Variants in SI observed in about 807,000 individuals in gnomAD.
SI encodes sucrase-isomaltase, also known as sucrase-isomaltase, intestinal.
In SI, 235 loss-of-function variants were observed where a neutral mutation model predicts 253.3. That is an observed-to-expected ratio of 0.93 (90% confidence interval 0.83 to 1.03). The LOEUF is 1.03. Among genes scored for constraint, SI ranks in the 50% least tolerant of loss-of-function variants. SI has a pLI of 0.00. For missense variants in SI, 2,442 were observed against 2,211.1 expected (o/e 1.10, Z -2.09); for synonymous variants, 819 against 712.0 (o/e 1.15, Z -2.39).
intron 15 of SI, among the ~76,000 whole-genome samples, chr3:165,048,789 G>T (rs1560007460): frequency 1.3e-5 from 2 of 151,578 alleles, no homozygotes; most frequent in East Asian, 3.9e-4. Flanking sequence ...AGCTAGATTT[G>T]TACTTTTAAT....
chr3:165,061,675 T>C (rs1713991898), intron 9 of SI, among the ~76,000 whole-genome samples: 1 of 152,022 alleles, frequency 6.6e-6, no homozygotes, highest in East Asian at 1.9e-4. Flanking sequence ...TCTTTTCCAT[T>C]GTAACACCAG....
intron 6 of SI, among the ~76,000 whole-genome samples, chr3:165,066,924 T>C (rs1560016383): frequency 1.3e-5 from 2 of 151,948 alleles, no homozygotes; most frequent in African/African-American, 4.8e-5. Flanking sequence ...GTTCATTCTA[T>C]ATTGGATTCT....
intron 25 of SI, among the ~76,000 whole-genome samples, chr3:165,026,252 G>A (rs1711914594): frequency 6.6e-6 from 1 of 151,282 alleles, no homozygotes; most frequent in South Asian, 2.1e-4. Context: ...ATTATAAAAT[G>A]ATAAAAGGCC....
chr3:165,001,701 C>A (rs34023921), intron 37 of SI, among the ~76,000 whole-genome samples: 1 of 151,222 alleles, frequency 6.6e-6, no homozygotes, highest in African/African-American at 2.4e-5. Flanking sequence ...GGTCTTGAGA[C>A]GAACAGCTGA....
At chr3:165,076,100 T>C (rs1714956618) in intron 1 of SI, 88 bp from the exon 2 acceptor site, 6 of 1,009,340 alleles carry the variant, frequency 5.9e-6, no homozygotes, top group Non-Finnish European at 8.5e-6. Flanking sequence ...ACATATTCTT[T>C]TTTTTACTAT....
At chr3:165,018,117 A>C in intron 28 of SI, 51 bp from the exon 29 acceptor site, 1 of 1,011,194 alleles carries the variant, frequency 9.9e-7, no homozygotes, top group Non-Finnish European at 1.6e-6. Flanking sequence ...ATAGCATGTG[A>C]ATTTAATCAA....
chr3:165,056,943 A>C (rs1048009953), intron 12 of SI, among the ~76,000 whole-genome samples: 8 of 152,040 alleles, frequency 5.3e-5, no homozygotes, highest in Non-Finnish European at 1.2e-4. Flanking sequence ...ACAAACATCC[A>C]CAAGAATCAA....
At chr3:165,086,555 G>T in the SI span, among the ~76,000 whole-genome samples, 4 of 152,288 alleles carry the variant, frequency 2.6e-5, no homozygotes, top group African/African-American at 7.2e-5. Flanking sequence ...AAAATGTCTA[G>T]ATTCTGCCTT....
chr3:165,073,173 TCTCTCTCTCTCTCTCTCTCTCTC>T (rs1714697924), intron 3 of SI, among the ~76,000 whole-genome samples: 1 of 616 alleles, frequency 1.6e-3, no homozygotes, highest in Admixed American at 0.013. Context: ...CAATCATTTC[TCTCTCTCTCTCTCTCTCTCTCTC>T]TCTCTCTCTC....
chr3:165,012,396 ATGT>A (rs1559988578), intron 34 of SI, among the ~76,000 whole-genome samples: 3 of 151,838 alleles, frequency 2.0e-5, no homozygotes, highest in African/African-American at 7.3e-5. Flanking sequence ...CTAATGTTAA[ATGT>A]TATTACTGTA....
At chr3:165,053,928 G>T (rs1415606134) in intron 13 of SI, among the ~76,000 whole-genome samples, 3 of 151,886 alleles carry the variant, frequency 2.0e-5, no homozygotes, top group African/African-American at 7.3e-5. Context: ...CTAGTTATTA[G>T]TGGTGTGATA....
chr3:165,046,207 T>C (rs1713103986), intron 16 of SI, among the ~76,000 whole-genome samples: 3 of 152,142 alleles, frequency 2.0e-5, no homozygotes, highest in Admixed American at 2.0e-4. Flanking sequence ...GTTTGTTTTA[T>C]TTGTGCATAT....
Position 165,067,385 on chromosome 3 carries a change from T to A in SI, c.590A>T (p.Asn197Ile). 1 of 1,612,278 alleles carries A rather than the reference T, an allele frequency of 6.2e-7. No homozygotes were observed. The highest frequency in any genetic ancestry group is 8.5e-7 in the Non-Finnish European group (1 of 1,178,826). ...CCTAATAACTTGGATGCTAAATGGG[T>A]TTTGGGCAACCTTCACATCATACAA... The part of the protein sequence containing the change: ...DTLYDVKVAQ[N>I]PFSIQVIRKS... The change falls in exon 6 of 48, where the codon AAC (asparagine) becomes ATC (isoleucine). Residue 197 changes from asparagine to isoleucine, a missense_variant. Asn to Ile is a moderately radical substitution (Grantham distance 149, BLOSUM62 -3). Coordinates refer to ENST00000264382, the MANE Select transcript of SI (RefSeq NM_001041.4).
intron 37 of SI, among the ~76,000 whole-genome samples, chr3:165,005,386 G>A (rs1349608913): frequency 6.6e-6 from 1 of 152,012 alleles, no homozygotes; most frequent in East Asian, 1.9e-4. Flanking sequence ...GATAAATCTT[G>A]AGGGGAAAAA....
chr3:165,065,652 C>T (rs1378781958), intron 6 of SI, among the ~76,000 whole-genome samples: 2 of 150,880 alleles, frequency 1.3e-5, no homozygotes, highest in Admixed American at 6.7e-5. Flanking sequence ...ATATCTTTCA[C>T]ATCCATTTCT....
At chr3:165,021,700 G>T (rs1050056360) in intron 26 of SI, among the ~76,000 whole-genome samples, 7 of 151,408 alleles carry the variant, frequency 4.6e-5, no homozygotes, top group African/African-American at 7.3e-5. Flanking sequence ...ATTATTTCAT[G>T]GTTAAAAACA....
chr3:164,999,498 A>G (rs2108140980), intron 37 of SI, among the ~76,000 whole-genome samples: 1 of 151,770 alleles, frequency 6.6e-6, no homozygotes, highest in South Asian at 2.1e-4. Flanking sequence ...TACTCAAATA[A>G]TTTGAATATG....
intron 37 of SI, among the ~76,000 whole-genome samples, chr3:165,003,108 C>T (rs1383808870): frequency 3.3e-5 from 5 of 151,758 alleles, no homozygotes; most frequent in Admixed American, 3.3e-4. Flanking sequence ...ACTTTGATAC[C>T]TGTGATTATA....
chr3:165,030,160 A>T (rs545354093), intron 25 of SI, among the ~76,000 whole-genome samples: 13 of 151,020 alleles, frequency 8.6e-5, no homozygotes, highest in Admixed American at 7.3e-4. Flanking sequence ...CCAGAATTTG[A>T]AAAACAGGCA....
Sources: allele counts gnomAD v4.1 joint callset (sites outside exome capture counted in the v4.1 genomes callset), GRCh38; gene constraint gnomAD v4.1.1; transcripts MANE v1.5; gene names NCBI Gene and HGNC (gene_info 2026-07-23, HGNC 2026-07-21).